RBFOX1: variants seen among roughly 807,000 people sequenced by gnomAD.
The protein encoded by RBFOX1 is RNA binding protein fox-1 homolog 1.
A neutral mutation model predicts 57.7 loss-of-function variants in RBFOX1; 8 were observed. That is an observed-to-expected ratio of 0.14 (90% CI 0.08 to 0.25). The LOEUF (loss-of-function observed/expected upper bound fraction) is 0.25, where lower values mean the gene tolerates loss of function less well. Among genes scored for constraint, RBFOX1 ranks in the 10% least tolerant of loss-of-function variants. The probability of loss-of-function intolerance (pLI) is 1.00; values close to 1 mark genes in which losing one functional copy is unlikely to be tolerated. For synonymous variants in RBFOX1, 326 were observed against 222.4 expected (o/e 1.47, Z -4.15); for missense variants, 611 against 548.5 (o/e 1.11, Z -1.14).
chr16:7,340,046 T>C (rs1041207571), intron 4 of RBFOX1, among the ~76,000 whole-genome samples: 2 of 152,176 alleles, frequency 1.3e-5, no homozygotes. Context: ...GCAGTCTCAT[T>C]GGTAGATCTT....
intron 3 of RBFOX1, among the ~76,000 whole-genome samples, chr16:6,925,133 T>G (rs2075317315): frequency 1.0e-5 from 1 of 99,448 alleles, no homozygotes; most frequent in Non-Finnish European, 2.0e-5. Context: ...TTTTTTTTTT[T>G]TTTTTTTTTT....
At chr16:5,520,897 G>T (rs1033765842) in intron 2 of RBFOX1, among the ~76,000 whole-genome samples, 2 of 152,154 alleles carry the variant, frequency 1.3e-5, no homozygotes, top group Admixed American at 1.3e-4. Context: ...CCCACATGGG[G>T]TCTGCTCCTT....
chr16:6,564,876 C>T (rs1380187708), intron 2 of RBFOX1, among the ~76,000 whole-genome samples: 2 of 152,186 alleles, frequency 1.3e-5, no homozygotes, highest in East Asian at 1.9e-4. Context: ...CACGGTGGCT[C>T]ATGTCTGTAA....
At chr16:6,174,010 C>A (rs1423408385) in intron 1 of RBFOX1, among the ~76,000 whole-genome samples, 1 of 152,034 alleles carries the variant, frequency 6.6e-6, no homozygotes, top group East Asian at 1.9e-4. Context: ...GAAAATAACC[C>A]AAATTCTCAA....
intron 10 of RBFOX1, chr16:7,614,676 A>G (rs2058130649): frequency 2.0e-5 from 3 of 152,190 alleles, no homozygotes; most frequent in African/African-American, 7.2e-5. Context: ...CGACTCTGGA[A>G]AAATTTCACA....
At chr16:6,881,077 C>G (rs1020467050) in intron 3 of RBFOX1, among the ~76,000 whole-genome samples, 1 of 152,204 alleles carries the variant, frequency 6.6e-6, no homozygotes, top group African/African-American at 2.4e-5. Flanking sequence ...AATCATGGCA[C>G]TTTTACCCAC....
chr16:5,933,863 G>C (rs1347093625), intron 4 of RBFOX1, among the ~76,000 whole-genome samples: 4 of 151,870 alleles, frequency 2.6e-5, no homozygotes, highest in African/African-American at 9.7e-5. Context: ...CGAGTGATGG[G>C]GGTTTGTTGT....
intron 2 of RBFOX1, among the ~76,000 whole-genome samples, chr16:5,482,488 G>A (rs1357893859): frequency 6.6e-6 from 1 of 152,222 alleles, no homozygotes; most frequent in African/African-American, 2.4e-5. Flanking sequence ...GCTGCCTGGT[G>A]CAGAAGTCAG....
At chr16:7,298,590 C>A (rs906462586) in intron 4 of RBFOX1, among the ~76,000 whole-genome samples, 3 of 152,120 alleles carry the variant, frequency 2.0e-5, no homozygotes, top group Non-Finnish European at 2.9e-5. Context: ...ACATGCCCAG[C>A]CCAAAATTTG....
intron 5 of RBFOX1, among the ~76,000 whole-genome samples, chr16:7,561,799 A>G (rs908648373): frequency 6.6e-6 from 1 of 152,232 alleles, no homozygotes; most frequent in African/African-American, 2.4e-5. Context: ...TTGTGCTTTC[A>G]GCAGTTTTCT....
intron 4 of RBFOX1, among the ~76,000 whole-genome samples, chr16:7,160,984 A>G (rs1048241535): frequency 2.6e-5 from 4 of 152,228 alleles, no homozygotes; most frequent in African/African-American, 9.6e-5. Context: ...TAGGAAAAAG[A>G]AGCTAACCCT....
At chr16:7,260,712 A>G (rs905256458) in intron 4 of RBFOX1, among the ~76,000 whole-genome samples, 6 of 152,178 alleles carry the variant, frequency 3.9e-5, no homozygotes, top group Admixed American at 1.3e-4. Flanking sequence ...TTTCCACTCA[A>G]TCCTGAAGGA....
At chr16:7,192,661 G>A (rs772344067) in intron 4 of RBFOX1, among the ~76,000 whole-genome samples, 5 of 152,046 alleles carry the variant, frequency 3.3e-5, no homozygotes, top group African/African-American at 9.7e-5. Flanking sequence ...TTGTTTCGAC[G>A]TCAATTTCCT....
intron 4 of RBFOX1, among the ~76,000 whole-genome samples, chr16:6,004,908 G>T (rs1235591969): frequency 6.6e-6 from 1 of 152,178 alleles, no homozygotes; most frequent in Admixed American, 6.5e-5. Context: ...AGCGTGCAGT[G>T]TGTTAGATGA....
chr16:7,169,096 G>A (rs1327783414), intron 4 of RBFOX1, among the ~76,000 whole-genome samples: 1 of 152,156 alleles, frequency 6.6e-6, no homozygotes, highest in Non-Finnish European at 1.5e-5. Context: ...ATCATTCAGT[G>A]TCTCAGGGCA....
At chr16:6,830,347 T>G (rs1211116722) in intron 3 of RBFOX1, among the ~76,000 whole-genome samples, 1 of 152,228 alleles carries the variant, frequency 6.6e-6, no homozygotes, top group East Asian at 1.9e-4. Flanking sequence ...CATTGTTTCA[T>G]AAGAAAATAT....
At chr16:6,088,815 G>A (rs1473445233) in intron 1 of RBFOX1, among the ~76,000 whole-genome samples, 3 of 152,056 alleles carry the variant, frequency 2.0e-5, no homozygotes, top group Admixed American at 6.6e-5. Flanking sequence ...TCTATGATCC[G>A]GCCAGGCGCG....
chr16:5,908,123 CATAT>C (rs368543380), intron 4 of RBFOX1, among the ~76,000 whole-genome samples: 37 of 128,520 alleles, frequency 2.9e-4, no homozygotes, highest in Middle Eastern at 4.0e-3. Context: ...CATATATACA[CATAT>C]ATATATACAC....
chr16:6,087,568 G>A (rs1006039991), intron 1 of RBFOX1, among the ~76,000 whole-genome samples: 2 of 151,972 alleles, frequency 1.3e-5, no homozygotes, highest in African/African-American at 2.4e-5. Flanking sequence ...ATGTCCTTCC[G>A]AAGTGTAATA....
Sources: allele counts gnomAD v4.1 joint callset (sites outside exome capture counted in the v4.1 genomes callset), GRCh38; gene constraint gnomAD v4.1.1; transcripts MANE v1.5; gene names NCBI Gene and HGNC (gene_info 2026-07-23, HGNC 2026-07-21).